MTURN: variants seen among roughly 807,000 people sequenced by gnomAD.
MTURN encodes maturin, neural progenitor differentiation regulator homolog, also known as maturin.
Under a neutral mutation model 14.9 loss-of-function variants are expected in MTURN, and 7 were observed. The ratio of observed to expected loss-of-function variants is 0.47; its 90% CI spans 0.27 to 0.88. The LOEUF is 0.88. Among genes scored for constraint, MTURN ranks in the 40% least tolerant of loss-of-function variants. The pLI, the probability that MTURN is intolerant of heterozygous loss-of-function variation, is 0.14. For synonymous variants in MTURN, 69 were observed against 72.5 expected (o/e 0.95, Z 0.25); for missense variants, 151 against 174.1 (o/e 0.87, Z 0.75).
intron 2 of MTURN, among the ~76,000 whole-genome samples, chr7:30,154,998 A>G (rs1018682494): frequency 1.3e-5 from 2 of 152,162 alleles, no homozygotes; most frequent in Non-Finnish European, 2.9e-5. Flanking sequence ...GTTGAGTGCT[A>G]CCTATGGTTT....
At chr7:30,151,719 T>C (rs1425280693) in intron 2 of MTURN, among the ~76,000 whole-genome samples, 1 of 152,148 alleles carries the variant, frequency 6.6e-6, no homozygotes. Context: ...TTGTGCTGTT[T>C]GGTTGTTGTT....
intron 1 of MTURN, 89 bp downstream of exon 1, chr7:30,135,387 G>T (rs997861052): frequency 1.2e-5 from 15 of 1,268,678 alleles, no homozygotes; most frequent in African/African-American, 1.6e-5. Context: ...GCGGTGGGCG[G>T]CGGTGGGCGC....
At chr7:30,146,322 A>T (rs1357755224) in intron 2 of MTURN, 23 bp downstream of exon 2, 10 of 1,612,604 alleles carry the variant, frequency 6.2e-6, no homozygotes, top group Non-Finnish European at 8.5e-6. Context: ...TTGGCTTCTC[A>T]CCACAGCTTG....
rs1423008275 is a variant in MTURN at position 30,135,026 on chromosome 7, G to T, written c.-111G>T. 1.2e-5 allele frequency: 12 copies of T among 965,486 alleles called. No individual in the cohort carries two copies. In the East Asian group the frequency reaches 9.0e-4, roughly 72 times the overall value. The allele number at this position is 965,486 out of a possible 1,614,324, so 59.8% of individuals were successfully genotyped here. On this transcript the variant is annotated 5_prime_UTR_variant, in exon 1 of 3. Transcript: ENST00000324453. ...TAAACAGTCCCAGCCGGCCCAGCCCGGCCCCGGAGGAGCCCGCGCAGGCCG... is the reference window on the plus strand; with the variant it reads ...TAAACAGTCCCAGCCGGCCCAGCCCTGCCCCGGAGGAGCCCGCGCAGGCCG...
chr7:30,154,966 C>G (rs988992683), intron 2 of MTURN, among the ~76,000 whole-genome samples: 2 of 152,268 alleles, frequency 1.3e-5, no homozygotes, highest in South Asian at 4.1e-4. Flanking sequence ...ATAAGGTACC[C>G]TAAGCTGAAG....
chr7:30,146,771 T>C (rs1458623240), intron 2 of MTURN, among the ~76,000 whole-genome samples: 3 of 152,220 alleles, frequency 2.0e-5, no homozygotes, highest in African/African-American at 7.2e-5. Flanking sequence ...TTCTTTTCTA[T>C]TTTTAAAAAG....
intron 2 of MTURN, among the ~76,000 whole-genome samples, chr7:30,153,964 T>C (rs556942858): frequency 6.6e-6 from 1 of 152,282 alleles, no homozygotes; most frequent in Admixed American, 6.5e-5. Flanking sequence ...GTGATCCGCC[T>C]GCCTCGGCCT....
Position 30,135,310 on chromosome 7 carries a change from G to A in MTURN, c.162+12G>A. On this transcript the variant is annotated intron_variant, in intron 1 of 2. Transcript: ENST00000324453. ...GCGGCGACAATTTTGTGAGTGCCTG[G>A]AGGAGGGACCGCCGGAGCCGGCGGG... is the stretch of plus-strand genomic sequence containing the variant. 4 of 1,513,144 alleles carry A rather than the reference G, an allele frequency of 2.6e-6. No homozygotes were observed. Among genetic ancestry groups the A allele is most frequent in the Non-Finnish European group, 3.5e-6 (4 of 1,129,912 alleles). The allele number at this position is 1,513,144 out of a possible 1,614,324, so 93.7% of individuals were successfully genotyped here.
chr7:30,148,936 G>A (rs1797167160), intron 2 of MTURN, among the ~76,000 whole-genome samples: 1 of 152,184 alleles, frequency 6.6e-6, no homozygotes, highest in Non-Finnish European at 1.5e-5. Context: ...GTTAGCAACT[G>A]AGGTTCGCTT....
chr7:30,136,185 C>T (rs1376417546), intron 1 of MTURN, among the ~76,000 whole-genome samples: 4 of 152,360 alleles, frequency 2.6e-5, no homozygotes, highest in African/African-American at 9.6e-5. Context: ...TCCCCTCAGC[C>T]CCGGCTCAGA....
Position 30,135,008 on chromosome 7 carries a change from T to TCCCAGCCGG in MTURN, c.-121_-113dup. On this transcript the variant is annotated 5_prime_UTR_variant, in exon 1 of 3. Coordinates refer to ENST00000324453, the MANE Select transcript of MTURN (RefSeq NM_152793.3). ...CCCACTCCGCACCGCATGTAAACAG[T>TCCCAGCCGG]CCCAGCCGGCCCAGCCCGGCCCCGG... is the stretch of plus-strand genomic sequence containing the variant. 1.3e-6 allele frequency: 1 copy of TCCCAGCCGG among 797,172 alleles called. No individual in the cohort carries two copies. The highest frequency in any genetic ancestry group is 5.7e-5 in the South Asian group (1 of 17,476). The allele number at this position is 797,172 out of a possible 1,614,324, so 49.4% of individuals were successfully genotyped here.
At chr7:30,150,972 A>G (rs1165314253) in intron 2 of MTURN, among the ~76,000 whole-genome samples, 1 of 152,148 alleles carries the variant, frequency 6.6e-6, no homozygotes, top group African/African-American at 2.4e-5. Context: ...CAGACTGAGA[A>G]CCCAAAGGAT....
intron 2 of MTURN, among the ~76,000 whole-genome samples, chr7:30,149,522 T>C (rs1057295897): frequency 2.0e-5 from 3 of 152,144 alleles, no homozygotes; most frequent in Non-Finnish European, 4.4e-5. Context: ...CCAGACTGAA[T>C]GAGAGGGAGC....
intron 1 of MTURN, among the ~76,000 whole-genome samples, chr7:30,143,105 G>C (rs1249746622): frequency 6.6e-6 from 1 of 151,910 alleles, no homozygotes; most frequent in African/African-American, 2.4e-5. Flanking sequence ...TTTTGGAATG[G>C]GCCCCTGTAT....
rs1182107138 is a variant in MTURN, at chr7:30,157,338, G to T, written c.286-100G>T. ...TGACGGGGAAGTCTGCAGCTGCTGGGTTAAGTACTCTTTAATGTGGATCCG... is the reference window on the plus strand; with the variant it reads ...TGACGGGGAAGTCTGCAGCTGCTGGTTTAAGTACTCTTTAATGTGGATCCG... On this transcript the variant is annotated intron_variant, in intron 2 of 2. Transcript: ENST00000324453. 18 of 925,856 alleles carry T rather than the reference G, an allele frequency of 1.9e-5. No individual in the cohort carries two copies. The South Asian group carries it at 4.3e-4, about 22-fold the overall frequency. The allele number at this position is 925,856 out of a possible 1,614,324, so 57.4% of individuals were successfully genotyped here.
intron 1 of MTURN, among the ~76,000 whole-genome samples, chr7:30,136,249 C>T (rs1297164283): frequency 2.0e-5 from 3 of 152,232 alleles, no homozygotes; most frequent in Non-Finnish European, 4.4e-5. Context: ...AATCCTGCAC[C>T]CACCTGGGAT....
In MTURN at chr7:30,162,240, C is replaced by T. The variant is rs921783840; in HGVS notation, c.*4692C>T. The T allele has an allele frequency of 2.0e-5, 3 of 152,088 alleles. No homozygotes were observed. The highest frequency in any genetic ancestry group is 7.2e-5 in the African/African-American group (3 of 41,408). The allele number at this position is 152,088 out of a possible 1,614,324, so 9.4% of individuals were successfully genotyped here. A position where few individuals can be genotyped will look rare whatever the true frequency, so the allele number is the denominator to read the frequency against. On this transcript the variant is annotated 3_prime_UTR_variant, in exon 3 of 3. Transcript: ENST00000324453. ...GTCTGTTCTTTGTAAACTGCCTTTCCCTGTTTTTCTGTTTTGTTTTGTTTC... is the reference window on the plus strand; with the variant it reads ...GTCTGTTCTTTGTAAACTGCCTTTCTCTGTTTTTCTGTTTTGTTTTGTTTC...
chr7:30,150,281 A>C (rs1043850983), intron 2 of MTURN, among the ~76,000 whole-genome samples: 4 of 152,212 alleles, frequency 2.6e-5, no homozygotes, highest in Admixed American at 1.3e-4. Context: ...TGAGCAGGTT[A>C]CCGTTGGGGG....
chr7:30,155,533 C>T (rs1340306614), intron 2 of MTURN, among the ~76,000 whole-genome samples: 2 of 152,172 alleles, frequency 1.3e-5, no homozygotes, highest in African/African-American at 4.8e-5. Context: ...GAAAAAGAGA[C>T]TTTCTTCTCC....
Sources: allele counts gnomAD v4.1 joint callset (sites outside exome capture counted in the v4.1 genomes callset), GRCh38; gene constraint gnomAD v4.1.1; transcripts MANE v1.5; gene names NCBI Gene and HGNC (gene_info 2026-07-23, HGNC 2026-07-21).